The following AMOTL1 variants were observed in gnomAD, a reference collection of about 807,000 sequenced individuals.
AMOTL1 encodes angiomotin like 1.
A neutral mutation model predicts 102.9 loss-of-function variants in AMOTL1; 45 were observed. That is an observed-to-expected ratio of 0.44 (90% CI 0.34 to 0.56). The LOEUF (loss-of-function observed/expected upper bound fraction) is 0.56, where lower values mean the gene tolerates loss of function less well. Ranked by LOEUF, AMOTL1 falls within the 20% of genes least tolerant of loss-of-function variation. The pLI is 0.01. For synonymous variants in AMOTL1, 481 were observed against 484.7 expected (o/e 0.99, Z 0.10); for missense variants, 1,114 against 1,225.6 (o/e 0.91, Z 1.36).
At chr11:94,836,337 C>T (rs1252732851) in intron 6 of AMOTL1, among the ~76,000 whole-genome samples, 1 of 152,204 alleles carries the variant, frequency 6.6e-6, no homozygotes, top group Non-Finnish European at 1.5e-5. Context: ...CTAGTGCTTG[C>T]AGCTGCTCCT....
chr11:94,757,000 T>G (rs1319776236), intron 3 of AMOTL1, among the ~76,000 whole-genome samples: 2 of 152,260 alleles, frequency 1.3e-5, no homozygotes, highest in East Asian at 3.9e-4. Context: ...CCCATTTTTT[T>G]TTTTCTGTTT....
chr11:94,837,521 T>C (rs1406898163), intron 6 of AMOTL1, among the ~76,000 whole-genome samples: 1 of 152,190 alleles, frequency 6.6e-6, no homozygotes, highest in African/African-American at 2.4e-5. Context: ...AAGCAAAGCA[T>C]GTGAGTGCTT....
chr11:94,785,623 T>C (rs1248716584), intron 1 of AMOTL1, among the ~76,000 whole-genome samples: 1 of 152,194 alleles, frequency 6.6e-6, no homozygotes, highest in Non-Finnish European at 1.5e-5. Context: ...AGCAATGTGC[T>C]TGCCTCTTGA....
intron 1 of AMOTL1, among the ~76,000 whole-genome samples, chr11:94,769,874 ACGTGGTCT>A (rs1293659363): frequency 2.6e-5 from 4 of 152,128 alleles, no homozygotes; most frequent in Non-Finnish European, 5.9e-5. Flanking sequence ...GTGGTGGGGT[ACGTGGTCT>A]CGAGAGCCAG....
At chr11:94,773,440 G>A (rs376382170) in intron 1 of AMOTL1, among the ~76,000 whole-genome samples, 8 of 152,138 alleles carry the variant, frequency 5.3e-5, no homozygotes, top group East Asian at 1.9e-4. Context: ...ATTAGGTCTC[G>A]AATATGCACA....
At chr11:94,857,941 A>G (rs1952701018) in intron 8 of AMOTL1, among the ~76,000 whole-genome samples, 1 of 152,172 alleles carries the variant, frequency 6.6e-6, no homozygotes, top group Non-Finnish European at 1.5e-5. Context: ...CCATTAGACC[A>G]TGCTAGCTCT....
intron 1 of AMOTL1, among the ~76,000 whole-genome samples, chr11:94,708,605 G>A (rs944719127): frequency 6.6e-6 from 1 of 152,054 alleles, no homozygotes; most frequent in Non-Finnish European, 1.5e-5. Flanking sequence ...TTTTAGTACC[G>A]CTCCTTCTTT....
chr11:94,823,997 A>G (rs771916650), intron 4 of AMOTL1, among the ~76,000 whole-genome samples: 8 of 151,974 alleles, frequency 5.3e-5, no homozygotes, highest in Non-Finnish European at 1.0e-4. Flanking sequence ...AGGATTAAAC[A>G]TGTACTTTTT....
chr11:94,757,592 G>A (rs1950741920), intron 3 of AMOTL1, among the ~76,000 whole-genome samples: 1 of 152,132 alleles, frequency 6.6e-6, no homozygotes, highest in Non-Finnish European at 1.5e-5. Context: ...TCTCCTATAA[G>A]AAAAGGGAAC....
chr11:94,794,334 A>C (rs147053225), intron 1 of AMOTL1, among the ~76,000 whole-genome samples: 1 of 152,304 alleles, frequency 6.6e-6, no homozygotes, highest in Non-Finnish European at 1.5e-5. Flanking sequence ...TTACTGTAGT[A>C]CTATCTCATG....
intron 1 of AMOTL1, among the ~76,000 whole-genome samples, chr11:94,782,269 A>G (rs1053479702): frequency 1.3e-5 from 2 of 152,180 alleles, no homozygotes; most frequent in Non-Finnish European, 2.9e-5. Flanking sequence ...AAAAACTACT[A>G]TTTGCTGAAT....
intron 4 of AMOTL1, among the ~76,000 whole-genome samples, chr11:94,823,294 C>A (rs1351802714): frequency 5.9e-5 from 9 of 152,302 alleles, no homozygotes; most frequent in African/African-American, 2.2e-4. Flanking sequence ...GCTGAGGGAG[C>A]TCTGGCTGCC....
intron 1 of AMOTL1, among the ~76,000 whole-genome samples, chr11:94,790,608 C>A (rs1392113189): frequency 6.6e-6 from 1 of 152,126 alleles, no homozygotes; most frequent in African/African-American, 2.4e-5. Context: ...CTATGCACAG[C>A]TAAAGGGGGC....
intron 3 of AMOTL1, among the ~76,000 whole-genome samples, chr11:94,757,166 A>G (rs1028237345): frequency 4.6e-5 from 7 of 152,210 alleles, no homozygotes; most frequent in African/African-American, 1.7e-4. Flanking sequence ...AGTCTAGCAC[A>G]GCAATAATTA....
chr11:94,830,565 T>G (rs2241667), intron 5 of AMOTL1, among the ~76,000 whole-genome samples: 31,401 of 152,236 alleles, frequency 0.21, 4,099 homozygotes, highest in East Asian at 0.42. Context: ...CACATGGGGC[T>G]GTCATTTGGT....
At position 94,871,804 on chromosome 11, in the gene AMOTL1, A is replaced by G. The variant is rs995883242; in HGVS notation, c.*1009A>G. On this transcript the variant is annotated 3_prime_UTR_variant, in exon 13 of 13. Coordinates refer to ENST00000433060, the MANE Select transcript of AMOTL1 (RefSeq NM_130847.3). Reference sequence around the variant, plus strand: ...TGTCTTTCACATCGGCTGTCTTGCAAGGAGCTTGACATTTCCAAATTCCAT... The same window carrying G: ...TGTCTTTCACATCGGCTGTCTTGCAGGGAGCTTGACATTTCCAAATTCCAT... 2 of 152,258 alleles carry G rather than the reference A, an allele frequency of 1.3e-5. No individual in the cohort carries two copies. Among genetic ancestry groups the G allele is most frequent in the Non-Finnish European group, 2.9e-5 (2 of 68,026 alleles). The allele number at this position is 152,258 out of a possible 1,614,324, so 9.4% of individuals were successfully genotyped here.
At chr11:94,741,161 G>A (rs1467046352) in intron 3 of AMOTL1, among the ~76,000 whole-genome samples, 7 of 152,150 alleles carry the variant, frequency 4.6e-5, no homozygotes, top group African/African-American at 1.7e-4. Flanking sequence ...TTTCCTCGGC[G>A]CTGTGCTTTC....
intron 3 of AMOTL1, among the ~76,000 whole-genome samples, chr11:94,813,593 A>G (rs1416071949): frequency 6.6e-6 from 1 of 152,132 alleles, no homozygotes; most frequent in East Asian, 1.9e-4. Flanking sequence ...CCACTGCATA[A>G]CCTGCCATCT....
intron 1 of AMOTL1, among the ~76,000 whole-genome samples, chr11:94,725,493 G>A (rs528696441): frequency 1.3e-5 from 2 of 152,254 alleles, no homozygotes; most frequent in East Asian, 3.9e-4. Flanking sequence ...TGATGACACT[G>A]TGCAAATGTT....
Sources: gnomAD v4.1 joint callset for allele counts (sites outside exome capture counted in the v4.1 genomes callset) on GRCh38, gnomAD v4.1.1 for gene constraint, MANE v1.5 for transcripts, NCBI Gene and HGNC (gene_info 2026-07-23, HGNC 2026-07-21) for gene names.